TENM1: variants seen among roughly 807,000 people sequenced by gnomAD.
TENM1 encodes the protein teneurin-1.
TENM1 carries 35 observed loss-of-function variants against 174.8 expected under a neutral mutation model. The observed-to-expected ratio is 0.20, with a 90% CI of 0.15 to 0.27. The LOEUF (loss-of-function observed/expected upper bound fraction) is 0.27, where lower values mean the gene tolerates loss of function less well. Among genes scored for constraint, TENM1 ranks in the 10% least tolerant of loss-of-function variants. The probability of loss-of-function intolerance (pLI) is 1.00; values close to 1 mark genes in which losing one functional copy is unlikely to be tolerated. For synonymous variants in TENM1, 781 were observed against 798.7 expected (o/e 0.98, Z 0.37); for missense variants, 1,633 against 2,130.1 (o/e 0.77, Z 4.59).
chrX:124,447,045 C>T (rs1008448955), intron 23 of TENM1, among the ~76,000 whole-genome samples: 6 of 111,230 alleles, frequency 5.4e-5, no homozygotes, highest in African/African-American at 2.0e-4. Flanking sequence ...CCTCACCCGT[C>T]AATATATTTT....
chrX:125,155,974 G>A, the TENM1 span, among the ~76,000 whole-genome samples: 7 of 112,874 alleles, frequency 6.2e-5, no homozygotes, highest in East Asian at 2.8e-4. Flanking sequence ...CAAGGGAGGC[G>A]CCGAGAGCGA....
chrX:124,982,837 T>C, the TENM1 span, among the ~76,000 whole-genome samples: 41,887 of 110,816 alleles, frequency 0.38, 7,074 homozygotes, highest in African/African-American at 0.66. Flanking sequence ...TTGCAGATGT[T>C]TAGTTGGCTA....
chrX:124,689,236 A>G (rs1384507739), intron 5 of TENM1, among the ~76,000 whole-genome samples: 2 of 112,079 alleles, frequency 1.8e-5, no homozygotes, highest in Non-Finnish European at 3.8e-5. Context: ...ATATATATCC[A>G]AAGTGTTGGA....
chrX:124,840,872 T>C (rs1234137998), intron 3 of TENM1, among the ~76,000 whole-genome samples: 1 of 111,953 alleles, frequency 8.9e-6, no homozygotes, highest in Non-Finnish European at 1.9e-5. Flanking sequence ...ATATACATTA[T>C]AATTTTACTT....
intron 13 of TENM1, among the ~76,000 whole-genome samples, chrX:124,563,310 G>T (rs1003323904): frequency 5.5e-5 from 6 of 108,817 alleles, no homozygotes; most frequent in Admixed American, 2.0e-4. Context: ...CCTTGTATAT[G>T]GACTTGGAGC....
rs779306432 is a variant in TENM1, at chrX:124,841,327, A to G, written c.535+52969T>C. On this transcript the variant is annotated intron_variant, in intron 3 of 31. Transcript: ENST00000422452. ...AAAACAGGGAGCAAATGGATCAGCA[A>G]TAGAATTTAAACTAAACCTAAACCC... Among the ~76,000 whole-genome samples the G allele has an allele frequency of 2.7e-5, 3 of 112,006 alleles. No homozygotes were observed. In the South Asian group the frequency reaches 1.1e-3, roughly 42 times the overall value.
At chrX:124,988,941 T>C in the TENM1 span, among the ~76,000 whole-genome samples, 2 of 111,999 alleles carry the variant, frequency 1.8e-5, no homozygotes, top group African/African-American at 3.2e-5. Flanking sequence ...TAAAAACTTA[T>C]AGTTAACATC....
chrX:124,892,153 G>A (rs2057487324), intron 3 of TENM1, among the ~76,000 whole-genome samples: 1 of 111,799 alleles, frequency 8.9e-6, no homozygotes, highest in South Asian at 3.8e-4. Flanking sequence ...CCAGAATGAA[G>A]CTAACTTGAA....
chrX:124,752,525 C>T (rs1377606223), intron 3 of TENM1, among the ~76,000 whole-genome samples: 8 of 111,579 alleles, frequency 7.2e-5, no homozygotes, highest in South Asian at 7.6e-4. Context: ...TTTTGGCTTT[C>T]GTTGCCATTG....
chrX:124,751,681 C>T (rs1467308843), intron 3 of TENM1, among the ~76,000 whole-genome samples: 6 of 87,542 alleles, frequency 6.9e-5, no homozygotes, highest in Non-Finnish European at 1.4e-4. Flanking sequence ...GTGATGTTCC[C>T]CTTCCTGTGT....
intron 6 of TENM1, among the ~76,000 whole-genome samples, chrX:124,664,532 G>GAAAAAAAAAAAAAAAAA (rs779501054): frequency 1.4e-4 from 4 of 29,262 alleles, no homozygotes; most frequent in East Asian, 1.7e-3. Context: ...TAAAGCAAAA[G>GAAAAAAAAAAAAAAAAA]AAAAAAAAAA....
At chrX:124,921,105 G>C (rs916560900) in intron 1 of TENM1, among the ~76,000 whole-genome samples, 12 of 107,505 alleles carry the variant, frequency 1.1e-4, no homozygotes, top group African/African-American at 4.1e-4. Context: ...TTTATGAACA[G>C]AGGTCAAGTC....
intron 3 of TENM1, among the ~76,000 whole-genome samples, chrX:124,826,416 A>C (rs2056162857): frequency 9.1e-6 from 1 of 110,036 alleles, no homozygotes. Flanking sequence ...CTCAAAAAAA[A>C]AAAAAAATTA....
the TENM1 span, among the ~76,000 whole-genome samples, chrX:125,048,287 T>C: frequency 1.0e-5 from 1 of 97,010 alleles, no homozygotes; most frequent in African/African-American, 3.9e-5. Flanking sequence ...TCTCACTATG[T>C]TTCCCTGACT....
At chrX:124,727,267 C>T (rs1319636984) in intron 4 of TENM1, among the ~76,000 whole-genome samples, 1 of 112,084 alleles carries the variant, frequency 8.9e-6, no homozygotes, top group African/African-American at 3.2e-5. Context: ...ACAGCAAAAC[C>T]TTTGAGTAAG....
intron 3 of TENM1, among the ~76,000 whole-genome samples, chrX:124,875,858 T>C: frequency 1.2e-5 from 1 of 84,523 alleles, no homozygotes; most frequent in Middle Eastern, 6.7e-3. Flanking sequence ...CCTGAGAAAC[T>C]GAGTGAGACT....
At chrX:124,975,503 C>A in the TENM1 span, among the ~76,000 whole-genome samples, 2 of 111,727 alleles carry the variant, frequency 1.8e-5, no homozygotes, top group Non-Finnish European at 3.8e-5. Context: ...ATATAACTTT[C>A]TTCTAGAGTT....
At chrX:124,774,905 A>G (rs1346982193) in intron 3 of TENM1, among the ~76,000 whole-genome samples, 2 of 110,850 alleles carry the variant, frequency 1.8e-5, no homozygotes, top group African/African-American at 3.3e-5. Flanking sequence ...GCATCATTCT[A>G]AAGGTTCTCC....
intron 11 of TENM1, among the ~76,000 whole-genome samples, chrX:124,572,314 C>T (rs940076311): frequency 9.0e-6 from 1 of 111,617 alleles, no homozygotes; most frequent in Admixed American, 9.5e-5. Context: ...TACTTTCACA[C>T]ATTTCATAAT....
Sources: allele counts gnomAD v4.1 joint callset (sites outside exome capture counted in the v4.1 genomes callset), GRCh38; gene constraint gnomAD v4.1.1; transcripts MANE v1.5; gene names NCBI Gene and HGNC (gene_info 2026-07-23, HGNC 2026-07-21).